The following HSPH1 variants were observed in gnomAD, a reference collection of about 807,000 sequenced individuals.
The protein encoded by HSPH1 is heat shock protein 105 kDa.
Under a neutral mutation model 100.0 loss-of-function variants are expected in HSPH1, and 40 were observed. The observed-to-expected ratio is 0.40, with a 90% CI of 0.31 to 0.52. The LOEUF is 0.52. HSPH1 is among the 20% of genes least tolerant of loss of function. The probability of loss-of-function intolerance (pLI) is 0.54; values close to 1 mark genes in which losing one functional copy is unlikely to be tolerated. For missense variants in HSPH1, 876 were observed against 1,015.1 expected (o/e 0.86, Z 1.86); for synonymous variants, 403 against 344.0 (o/e 1.17, Z -1.90).
At position 31,145,695 on chromosome 13, in the gene HSPH1, G is replaced by T; in HGVS notation, c.1452C>A (p.Val484=). ...AGATGGTGAAAATGCCATGGGTGTT[G>T]ACTCGCACTTTGACTTTTACTCTAG... ...EKSRVKVKVR[V]NTHGIFTIST... is the part of the protein sequence containing the mutation. The change falls in exon 11 of 18, where the codon GTC becomes GTA. Residue 484 remains valine (V), a synonymous_variant. Coordinates refer to ENST00000320027, the MANE Select transcript of HSPH1 (RefSeq NM_006644.4). 1 of 1,613,626 alleles carries T rather than the reference G, an allele frequency of 6.2e-7. No homozygotes were observed. Among genetic ancestry groups the T allele is most frequent in the Non-Finnish European group, 8.5e-7 (1 of 1,179,734 alleles).
Position 31,161,773 on chromosome 13 carries a change from C to A in HSPH1, c.-191G>T. The A allele has an allele frequency of 6.6e-7, 1 of 1,505,618 alleles. No homozygotes were observed. Among genetic ancestry groups the A allele is most frequent in the Non-Finnish European group, 8.9e-7 (1 of 1,128,566 alleles). 93.3% of individuals were successfully genotyped at this position (1,505,618 alleles called of 1,614,324 possible). Reference sequence around the variant, plus strand: ...CAGGAGCCTCCTACTCCCCCGGGGACAGCGGCGGCTGGCTGATAAGAAACC... The same window carrying A: ...CAGGAGCCTCCTACTCCCCCGGGGAAAGCGGCGGCTGGCTGATAAGAAACC... On this transcript the variant is annotated 5_prime_UTR_variant, in exon 1 of 18. Transcript: ENST00000320027.
At chr13:31,156,497 G>GAAC (rs1956700322) in intron 2 of HSPH1, among the ~76,000 whole-genome samples, 1 of 151,662 alleles carries the variant, frequency 6.6e-6, no homozygotes, top group African/African-American at 2.4e-5. Context: ...CTGGGAGGCA[G>GAAC]AAGTTGCAGT....
At chr13:31,154,882 G>A (rs1227645418) in intron 3 of HSPH1, 127 bp from the exon 4 acceptor site, 2 of 762,422 alleles carry the variant, frequency 2.6e-6, no homozygotes, top group African/African-American at 3.6e-5. Context: ...AGTTGTTTTG[G>A]GAAGAAGGAA....
chr13:31,161,200 T>G (rs185978053), intron 1 of HSPH1, among the ~76,000 whole-genome samples: 1 of 152,024 alleles, frequency 6.6e-6, no homozygotes, highest in Non-Finnish European at 1.5e-5. Flanking sequence ...AAACCCCCAA[T>G]AGGAAGCCCG....
At chr13:31,151,811 T>C in intron 5 of HSPH1, 69 bp from the exon 6 acceptor site, 2 of 1,363,944 alleles carry the variant, frequency 1.5e-6, no homozygotes, top group Non-Finnish European at 2.0e-6. Flanking sequence ...TTACATAAAA[T>C]TACACATGCA....
chr13:31,148,971 T>C (rs1956376694), intron 8 of HSPH1, among the ~76,000 whole-genome samples: 1 of 152,074 alleles, frequency 6.6e-6, no homozygotes, highest in South Asian at 2.1e-4. Flanking sequence ...AACAGATAGG[T>C]GGACAATTCC....
At chr13:31,151,313 C>A in intron 6 of HSPH1, 122 bp from the exon 7 acceptor site, 1 of 855,584 alleles carries the variant, frequency 1.2e-6, no homozygotes, top group Non-Finnish European at 1.8e-6. Flanking sequence ...TAAATTATAA[C>A]ATGAAATCCA....
At chr13:31,148,592 A>T (rs1037897216) in intron 8 of HSPH1, 112 bp from the exon 9 acceptor site, 2 of 472,492 alleles carry the variant, frequency 4.2e-6, no homozygotes, top group Admixed American at 4.0e-5. Context: ...AAAAAAAAAC[A>T]ACTCACATTC....
chr13:31,148,721 T>C (rs1480263156), intron 8 of HSPH1, among the ~76,000 whole-genome samples: 1 of 151,982 alleles, frequency 6.6e-6, no homozygotes, highest in Non-Finnish European at 1.5e-5. Flanking sequence ...AATTAATCAA[T>C]AACAGGTTTC....
At chr13:31,143,043 G>A (rs1370087681) in intron 12 of HSPH1, among the ~76,000 whole-genome samples, 6 of 152,076 alleles carry the variant, frequency 3.9e-5, no homozygotes, top group Non-Finnish European at 8.8e-5. Context: ...GAAAGATTCT[G>A]TAATTTGCCT....
intron 5 of HSPH1, chr13:31,151,991 T>C: frequency 2.6e-6 from 1 of 379,236 alleles, no homozygotes; most frequent in South Asian, 4.1e-5. Flanking sequence ...ACATATGGCG[T>C]GAATACAGTG....
chr13:31,138,950 T>G, intron 15 of HSPH1, 50 bp from the exon 16 acceptor site: 1 of 1,581,930 alleles, frequency 6.3e-7, no homozygotes, highest in Non-Finnish European at 8.6e-7. Flanking sequence ...TATTTTAAAG[T>G]CTATAGTTTA....
chr13:31,146,743 C>T (rs769782361), intron 10 of HSPH1, among the ~76,000 whole-genome samples: 4 of 152,076 alleles, frequency 2.6e-5, no homozygotes, highest in Admixed American at 6.6e-5. Context: ...CTTTCTATAC[C>T]TCTGAGGATT....
At chr13:31,142,792 A>G (rs1335801335) in intron 12 of HSPH1, among the ~76,000 whole-genome samples, 2 of 152,092 alleles carry the variant, frequency 1.3e-5, no homozygotes, top group African/African-American at 4.8e-5. Flanking sequence ...TACTAAGACT[A>G]TCGGCAAGAG....
chr13:31,136,511 GA>G lies in HSPH1; in HGVS notation c.*806del, dbSNP rs913926983. The G allele has an allele frequency of 1.3e-5, 2 of 152,246 alleles. No homozygotes were observed. Among genetic ancestry groups the G allele is most frequent in the African/African-American group, 2.4e-5 (1 of 41,388 alleles). The allele number at this position is 152,246 out of a possible 1,614,324, so 9.4% of individuals were successfully genotyped here. On this transcript the variant is annotated 3_prime_UTR_variant, in exon 18 of 18. Transcript: ENST00000320027. Reference sequence around the variant, plus strand: ...GTCAGGAGAAAAACATTTTCACTTAGAAAAGAGAGAACATAAGCAGTAAAAA... The same window carrying G: ...GTCAGGAGAAAAACATTTTCACTTAGAAAGAGAGAACATAAGCAGTAAAAA...
At chr13:31,137,559 C>G (rs376786358) in intron 17 of HSPH1, 35 bp from the exon 18 acceptor site, 2 of 1,489,590 alleles carry the variant, frequency 1.3e-6, no homozygotes. Context: ...CAGATTAACT[C>G]AGATCCATCC....
chr13:31,151,580 G>C, intron 6 of HSPH1, 29 bp downstream of exon 6: 1 of 1,591,772 alleles, frequency 6.3e-7, no homozygotes, highest in East Asian at 2.2e-5. Context: ...AACGTGTTTT[G>C]GACACTGAGT....
Position 31,161,524 on chromosome 13 carries a change from G to A in HSPH1, c.59C>T (p.Ala20Val). Reference protein sequence around the residue: ...SQSCYIAVARAGGIETIANEF... With the variant: ...SQSCYIAVARVGGIETIANEF... ...ATTGGCGATGGTCTCGATGCCCCCG[G>A]CCCGGGCTACCGCGATGTAGCAGCT... Residue 20 changes from alanine to valine, a missense_variant, in exon 1 of 18, where the codon GCC (alanine) becomes GTC (valine). Transcript: ENST00000320027. 1 of 1,613,942 alleles carries A rather than the reference G, an allele frequency of 6.2e-7. No individual in the cohort carries two copies. Among genetic ancestry groups the A allele is most frequent in the Non-Finnish European group, 8.5e-7 (1 of 1,179,938 alleles).
chr13:31,161,525 C>T lies in HSPH1; in HGVS notation c.58G>A (p.Ala20Thr). ...SQSCYIAVAR[A>T]GGIETIANEF... ...TTGGCGATGGTCTCGATGCCCCCGG[C>T]CCGGGCTACCGCGATGTAGCAGCTC... is the stretch of plus-strand genomic sequence containing the variant. Residue 20 changes from alanine (A) to threonine (T), a missense_variant, in exon 1 of 18, where the codon GCC becomes ACC. Transcript: ENST00000320027. 1.9e-6 allele frequency: 3 copies of T among 1,614,056 alleles called. No homozygotes were observed. The highest frequency in any genetic ancestry group is 2.5e-6 in the Non-Finnish European group (3 of 1,179,968).
Sources: allele counts gnomAD v4.1 joint callset (sites outside exome capture counted in the v4.1 genomes callset), GRCh38; gene constraint gnomAD v4.1.1; transcripts MANE v1.5; gene names NCBI Gene and HGNC (gene_info 2026-07-23, HGNC 2026-07-21).